Variants in TRUB1 observed in about 807,000 individuals in gnomAD.
TRUB1 encodes the protein pseudouridylate synthase TRUB1.
A neutral mutation model predicts 33.9 loss-of-function variants in TRUB1; 23 were observed. The ratio of observed to expected loss-of-function variants is 0.68; its 90% CI spans 0.49 to 0.96. The LOEUF (loss-of-function observed/expected upper bound fraction) is 0.96. Ranked by LOEUF, TRUB1 falls within the 40% of genes least tolerant of loss-of-function variation. TRUB1 has a pLI of 0.00. For missense variants in TRUB1, 378 were observed against 422.2 expected (o/e 0.90, Z 0.92); for synonymous variants, 163 against 165.4 (o/e 0.99, Z 0.11).
At chr10:114,941,054 C>T (rs1007435321) in intron 1 of TRUB1, among the ~76,000 whole-genome samples, 32 of 152,160 alleles carry the variant, frequency 2.1e-4, no homozygotes, top group African/African-American at 7.5e-4. Flanking sequence ...TCCACTGTTG[C>T]TTTGTTTTCC....
At chr10:114,943,902 G>A (rs1359273309) in intron 2 of TRUB1, among the ~76,000 whole-genome samples, 1 of 152,002 alleles carries the variant, frequency 6.6e-6, no homozygotes, top group Non-Finnish European at 1.5e-5. Flanking sequence ...AGTCATTTTC[G>A]GCTGGAGATG....
intron 4 of TRUB1, among the ~76,000 whole-genome samples, chr10:114,962,318 A>G (rs2084287974): frequency 6.6e-6 from 1 of 152,212 alleles, no homozygotes; most frequent in African/African-American, 2.4e-5. Flanking sequence ...AATTGTAAAT[A>G]GTGAAAAATG....
intron 5 of TRUB1, among the ~76,000 whole-genome samples, chr10:114,970,824 A>G (rs2084333628): frequency 6.6e-6 from 1 of 152,174 alleles, no homozygotes; most frequent in African/African-American, 2.4e-5. Context: ...CCTAATGTGC[A>G]CTGCATGTCA....
chr10:114,962,799 G>A (rs575331618), intron 4 of TRUB1, among the ~76,000 whole-genome samples: 17 of 152,276 alleles, frequency 1.1e-4, no homozygotes, highest in Non-Finnish European at 2.4e-4. Flanking sequence ...CCTCAGTAGT[G>A]TATTTTTGGT....
chr10:114,954,007 T>C (rs1181502827), intron 3 of TRUB1, among the ~76,000 whole-genome samples: 1 of 152,076 alleles, frequency 6.6e-6, no homozygotes, highest in Non-Finnish European at 1.5e-5. Context: ...CATCCAAACT[T>C]TATCCAACTC....
chr10:114,947,779 TGAGGTTATCACCA>T (rs1029705300), intron 2 of TRUB1, among the ~76,000 whole-genome samples: 4 of 152,246 alleles, frequency 2.6e-5, no homozygotes, highest in Admixed American at 2.6e-4. Context: ...TTGAGGTCAC[TGAGGTTATCACCA>T]GAGTTTTGTC....
At chr10:114,945,059 A>G (rs1490130045) in intron 2 of TRUB1, among the ~76,000 whole-genome samples, 1 of 152,242 alleles carries the variant, frequency 6.6e-6, no homozygotes, top group Non-Finnish European at 1.5e-5. Context: ...CATAAGTTCT[A>G]TAGTTTAATT....
At chr10:114,967,869 T>A (rs2084317591) in intron 4 of TRUB1, among the ~76,000 whole-genome samples, 1 of 152,240 alleles carries the variant, frequency 6.6e-6, no homozygotes. Context: ...TATTATAAGA[T>A]AACTTGCTGT....
chr10:114,964,844 A>C (rs1486273923), intron 4 of TRUB1, among the ~76,000 whole-genome samples: 1 of 151,880 alleles, frequency 6.6e-6, no homozygotes, highest in Non-Finnish European at 1.5e-5. Context: ...ACACCAGACT[A>C]TATTAATTGC....
intron 2 of TRUB1, among the ~76,000 whole-genome samples, chr10:114,945,078 A>T (rs1323776827): frequency 2.0e-5 from 3 of 152,244 alleles, no homozygotes; most frequent in Non-Finnish European, 4.4e-5. Flanking sequence ...TTCTCATTGT[A>T]ACCTATAAGA....
At chr10:114,972,352 A>G in intron 6 of TRUB1, 78 bp downstream of exon 6, 1 of 1,435,662 alleles carries the variant, frequency 7.0e-7, no homozygotes, top group Non-Finnish European at 9.4e-7. Context: ...TGTCATTTTA[A>G]TAGATCCGTA....
rs777949299 is a variant in TRUB1, at chr10:114,975,093, G to C, written c.794-30G>C. ...TGAAATACTGAATCGTTTATCTTCTGGATTTTTTTTCTACCTTTTGTTGCC... is the reference window on the plus strand; with the variant it reads ...TGAAATACTGAATCGTTTATCTTCTCGATTTTTTTTCTACCTTTTGTTGCC... On this transcript the variant is annotated intron_variant, in intron 7 of 7. Coordinates refer to ENST00000298746, the MANE Select transcript of TRUB1 (RefSeq NM_139169.5). 65 of 1,584,838 alleles carry C rather than the reference G, an allele frequency of 4.1e-5. 2 individuals are homozygous for C. In the South Asian group the frequency reaches 7.6e-4, roughly 18 times the overall value.
At chr10:114,965,159 G>C (rs1239952101) in intron 4 of TRUB1, among the ~76,000 whole-genome samples, 1 of 151,876 alleles carries the variant, frequency 6.6e-6, no homozygotes, top group African/African-American at 2.4e-5. Context: ...TCAATCTCCT[G>C]ACCTTGTGAT....
At chr10:114,973,561 C>T (rs2084346247) in intron 6 of TRUB1, among the ~76,000 whole-genome samples, 1 of 152,132 alleles carries the variant, frequency 6.6e-6, no homozygotes, top group South Asian at 2.1e-4. Flanking sequence ...ACCAGTAAGA[C>T]TCGAAGCAGC....
At chr10:114,951,685 A>C (rs142143636) in intron 3 of TRUB1, among the ~76,000 whole-genome samples, 1 of 152,322 alleles carries the variant, frequency 6.6e-6, no homozygotes, top group East Asian at 1.9e-4. Flanking sequence ...ATTTGGAGGC[A>C]GGAGAGGCTG....
chr10:114,970,878 A>G (rs1161268418), intron 5 of TRUB1, among the ~76,000 whole-genome samples: 1 of 152,218 alleles, frequency 6.6e-6, no homozygotes, highest in Non-Finnish European at 1.5e-5. Context: ...TTGCTTCACT[A>G]TTCTCTGCAG....
chr10:114,972,345 C>T, intron 6 of TRUB1, 71 bp downstream of exon 6: 5 of 1,463,198 alleles, frequency 3.4e-6, no homozygotes, highest in Non-Finnish European at 4.6e-6. Context: ...ACTTTTGTGT[C>T]ATTTTAATAG....
chr10:114,970,464 A>G lies in TRUB1; in HGVS notation c.596+24A>G, dbSNP rs758373040. The G allele has an allele frequency of 3.3e-6, 5 of 1,525,132 alleles. No homozygotes were observed. The African/African-American group carries it at 4.1e-5, about 13-fold the overall frequency. The allele number at this position is 1,525,132 out of a possible 1,614,324, so 94.5% of individuals were successfully genotyped here. A position where few individuals can be genotyped will look rare whatever the true frequency, so the allele number is the denominator to read the frequency against. On this transcript the variant is annotated intron_variant, in intron 5 of 7. Coordinates refer to ENST00000298746, the MANE Select transcript of TRUB1 (RefSeq NM_139169.5). ...CTGTAAGTTCAATTAGTAAATTTGG[A>G]AAAATGTTTACTTTTCTTTTCCAAT...
chr10:114,941,639 G>T (rs943326210), intron 1 of TRUB1, among the ~76,000 whole-genome samples: 38 of 152,048 alleles, frequency 2.5e-4, no homozygotes, highest in African/African-American at 8.9e-4. Flanking sequence ...CACTGTGCCC[G>T]GCTCACTTTA....
Sources: gnomAD v4.1 joint callset for allele counts (sites outside exome capture counted in the v4.1 genomes callset) on GRCh38, gnomAD v4.1.1 for gene constraint, MANE v1.5 for transcripts, NCBI Gene and HGNC (gene_info 2026-07-23, HGNC 2026-07-21) for gene names.